The following COX5A variants were observed in gnomAD, a reference collection of about 807,000 sequenced individuals.
The protein encoded by COX5A is cytochrome c oxidase subunit 5A, mitochondrial.
COX5A carries 6 observed loss-of-function variants against 16.1 expected under a neutral mutation model. The observed-to-expected ratio is 0.37, with a 90% CI of 0.20 to 0.73. The LOEUF (loss-of-function observed/expected upper bound fraction) is 0.73, where lower values mean the gene tolerates loss of function less well. Among genes scored for constraint, COX5A ranks in the 30% least tolerant of loss-of-function variants. The pLI, the probability that COX5A is intolerant of heterozygous loss-of-function variation, is 0.50. For synonymous variants in COX5A, 73 were observed against 73.8 expected, an observed-to-expected ratio of 0.99 and a Z score of 0.06; for missense variants, 159 against 194.9, an observed-to-expected ratio of 0.82 and a Z score of 1.10.
chr15:74,937,709 G>A (rs889850308), intron 1 of COX5A: 2 of 370,066 alleles, frequency 5.4e-6, no homozygotes, highest in Non-Finnish European at 9.6e-6. Flanking sequence ...GGCACAGCCA[G>A]GAAGTTGCGC....
rs2065399419 is a variant in COX5A at position 74,937,906 on chromosome 15, G to A, written c.100+9C>T. On this transcript the variant is annotated intron_variant, in intron 1 of 4. Transcript: ENST00000322347. The stretch of plus-strand genomic sequence containing the variant: ...CGAGGGCGCGGGCAGTGGCAAGCAG[G>A]GGCCTTACCCACGGCGGGGCCGGGG... 8.1e-7 allele frequency: 1 copy of A among 1,230,326 alleles called. No individual in the cohort carries two copies. The highest frequency in any genetic ancestry group is 1.0e-6 in the Non-Finnish European group (1 of 985,370). The allele number at this position is 1,230,326 out of a possible 1,614,324, so 76.2% of individuals were successfully genotyped here.
At chr15:74,927,666 C>G (rs1030311486) in intron 2 of COX5A, among the ~76,000 whole-genome samples, 1 of 151,828 alleles carries the variant, frequency 6.6e-6, no homozygotes, top group Non-Finnish European at 1.5e-5. Flanking sequence ...CAGCTACTCT[C>G]GAGGCTGAGG....
At chr15:74,924,095 G>A (rs555699586) in intron 3 of COX5A, among the ~76,000 whole-genome samples, 4 of 152,020 alleles carry the variant, frequency 2.6e-5, no homozygotes, top group South Asian at 4.2e-4. Context: ...CAGGAGAATC[G>A]GCTTGAACCC....
chr15:74,929,315 C>T, intron 1 of COX5A, 83 bp from the exon 2 acceptor site: 1 of 925,990 alleles, frequency 1.1e-6, no homozygotes, highest in South Asian at 1.4e-5. Flanking sequence ...TTTGAGTTGA[C>T]TATATATGTT....
intron 3 of COX5A, among the ~76,000 whole-genome samples, chr15:74,925,576 TG>T (rs1396023440): frequency 1.3e-5 from 2 of 151,482 alleles, no homozygotes; most frequent in African/African-American, 4.8e-5. Flanking sequence ...TCAGTAGAGA[TG>T]GGGTTTCTCC....
At chr15:74,933,418 AATATCTATCTATCTATC>A (rs1261236752) in intron 1 of COX5A, among the ~76,000 whole-genome samples, 1 of 134,126 alleles carries the variant, frequency 7.5e-6, no homozygotes, top group Non-Finnish European at 1.6e-5. Flanking sequence ...CAAAAAAAAA[AATATCTATCTATCTATC>A]TATCTATCTA....
intron 1 of COX5A, among the ~76,000 whole-genome samples, chr15:74,929,997 T>C (rs1028337855): frequency 6.6e-6 from 1 of 151,592 alleles, no homozygotes; most frequent in African/African-American, 2.4e-5. Flanking sequence ...GAGAATGGCG[T>C]GAACCTGGAC....
At chr15:74,930,757 C>A (rs1484876498) in intron 1 of COX5A, among the ~76,000 whole-genome samples, 1 of 149,824 alleles carries the variant, frequency 6.7e-6, no homozygotes, top group East Asian at 2.0e-4. Context: ...GTGGCTCACG[C>A]CTGTAATCCC....
chr15:74,923,288 G>A (rs1031428279), intron 4 of COX5A, among the ~76,000 whole-genome samples: 3 of 151,936 alleles, frequency 2.0e-5, no homozygotes, highest in Non-Finnish European at 2.9e-5. Context: ...GCCAGTTGTG[G>A]TGGCATGTGG....
intron 1 of COX5A, among the ~76,000 whole-genome samples, chr15:74,929,631 G>C (rs1485588855): frequency 6.6e-6 from 1 of 152,066 alleles, no homozygotes; most frequent in African/African-American, 2.4e-5. Context: ...GGCATAGTGG[G>C]GCACACACCT....
At chr15:74,923,811 G>A (rs768244095) in intron 3 of COX5A, 41 bp from the exon 4 acceptor site, 1 of 1,251,570 alleles carries the variant, frequency 8.0e-7, no homozygotes, top group Non-Finnish European at 1.2e-6. Flanking sequence ...TCTCTCAAAA[G>A]CCATGTCTAT....
rs2141268733 is a variant in COX5A, at chr15:74,920,237, T to C, written c.*215A>G. Reference sequence around the variant, plus strand: ...ATGAAACCAATACAGCACTTAATTTTCTGCTTATTAATGCAAACACATGAA... The same window carrying C: ...ATGAAACCAATACAGCACTTAATTTCCTGCTTATTAATGCAAACACATGAA... On this transcript the variant is annotated 3_prime_UTR_variant, in exon 5 of 5. Transcript: ENST00000322347. 1.7e-6 allele frequency: 1 copy of C among 584,690 alleles called. No individual in the cohort carries two copies. The highest frequency in any genetic ancestry group is 3.1e-5 in the East Asian group (1 of 32,430). The allele number at this position is 584,690 out of a possible 1,614,324, so 36.2% of individuals were successfully genotyped here. A position where few individuals can be genotyped will look rare whatever the true frequency, so the allele number is the denominator to read the frequency against.
intron 3 of COX5A, 83 bp downstream of exon 3, chr15:74,926,683 A>G: frequency 1.4e-6 from 2 of 1,442,686 alleles, no homozygotes; most frequent in Non-Finnish European, 1.9e-6. Context: ...CATTTTAACA[A>G]ATTCAAAAAT....
chr15:74,924,203 A>C (rs1242063034), intron 3 of COX5A, among the ~76,000 whole-genome samples: 1 of 152,060 alleles, frequency 6.6e-6, no homozygotes, highest in African/African-American at 2.4e-5. Flanking sequence ...AAAACAAAAC[A>C]AAACAGGTCA....
chr15:74,936,622 C>CTTTTTTTT (rs1021836626), intron 1 of COX5A, among the ~76,000 whole-genome samples: 58 of 112,438 alleles, frequency 5.2e-4, no homozygotes, highest in East Asian at 4.0e-3. Context: ...AAAACATATT[C>CTTTTTTTT]TTTTTTTTTT....
chr15:74,923,864 C>T (rs920030374), intron 3 of COX5A, 94 bp from the exon 4 acceptor site: 3 of 778,392 alleles, frequency 3.9e-6, no homozygotes, highest in Non-Finnish European at 4.4e-6. Flanking sequence ...ATTACTTATG[C>T]AGAGGCAGGT....
At chr15:74,930,472 A>C (rs1377004856) in intron 1 of COX5A, among the ~76,000 whole-genome samples, 3 of 14,056 alleles carry the variant, frequency 2.1e-4, no homozygotes, top group Non-Finnish European at 4.9e-4. Context: ...AAAAAGCAAC[A>C]AAAAAAAAAA....
intron 2 of COX5A, 104 bp downstream of exon 2, chr15:74,929,012 A>C: frequency 1.2e-6 from 1 of 809,286 alleles, no homozygotes; most frequent in Non-Finnish European, 2.1e-6. Flanking sequence ...TGAAGTAACC[A>C]GTTTAAACAA....
intron 2 of COX5A, among the ~76,000 whole-genome samples, chr15:74,927,723 G>A (rs1333097478): frequency 6.6e-6 from 1 of 152,078 alleles, no homozygotes; most frequent in Non-Finnish European, 1.5e-5. Flanking sequence ...AGTGAGCTGA[G>A]ATCGCGCCAT....
Sources: gnomAD v4.1 joint callset for allele counts (sites outside exome capture counted in the v4.1 genomes callset) on GRCh38, gnomAD v4.1.1 for gene constraint, MANE v1.5 for transcripts, NCBI Gene and HGNC (gene_info 2026-07-23, HGNC 2026-07-21) for gene names.